The following AGBL1 variants were observed in gnomAD, a reference collection of about 807,000 sequenced individuals.
The protein encoded by AGBL1 is cytosolic carboxypeptidase 4.
AGBL1 carries 130 observed loss-of-function variants against 118.9 expected under a neutral mutation model. The observed-to-expected ratio is 1.09, with a 90% confidence interval of 0.95 to 1.26. The LOEUF is 1.26. Ranked by LOEUF, AGBL1 falls within the 50% of genes most tolerant of loss-of-function variation. AGBL1 has a pLI of 0.00. For missense variants in AGBL1, 1,584 were observed against 1,298.1 expected, an observed-to-expected ratio of 1.22 and a Z score of -3.38; for synonymous variants, 555 against 478.9, an observed-to-expected ratio of 1.16 and a Z score of -2.08.
chr15:86,983,762 C>G (rs2081254039), intron 23 of AGBL1, among the ~76,000 whole-genome samples: 1 of 152,144 alleles, frequency 6.6e-6, no homozygotes, highest in Non-Finnish European at 1.5e-5. Context: ...CTTCAGTGTT[C>G]TAGAATTTTA....
chr15:86,304,389 A>T (rs1831084500), intron 17 of AGBL1, among the ~76,000 whole-genome samples: 1 of 152,184 alleles, frequency 6.6e-6, no homozygotes, highest in South Asian at 2.1e-4. Flanking sequence ...ACGTCAAGGA[A>T]GTCTTCCCGG....
At chr15:86,214,684 T>C (rs962281415) in intron 5 of AGBL1, among the ~76,000 whole-genome samples, 1 of 152,226 alleles carries the variant, frequency 6.6e-6, no homozygotes, top group African/African-American at 2.4e-5. Context: ...CCAAAAGCTT[T>C]TGTCTGAGCC....
intron 17 of AGBL1, among the ~76,000 whole-genome samples, chr15:86,356,670 G>T (rs1055030900): frequency 6.6e-6 from 1 of 152,158 alleles, no homozygotes; most frequent in Non-Finnish European, 1.5e-5. Flanking sequence ...CTGGAAGGAA[G>T]TAAGAAGCAG....
At chr15:86,692,980 T>A (rs1202032844) in intron 22 of AGBL1, among the ~76,000 whole-genome samples, 1 of 152,204 alleles carries the variant, frequency 6.6e-6, no homozygotes. Context: ...TCCATATAGA[T>A]ATATCACAAT....
intron 22 of AGBL1, among the ~76,000 whole-genome samples, chr15:86,716,608 T>C (rs1413866153): frequency 3.3e-5 from 5 of 152,194 alleles, no homozygotes; most frequent in African/African-American, 1.2e-4. Flanking sequence ...AGCTCACGGC[T>C]ATCTCCAGCC....
chr15:86,094,906 G>A (rs1896257454), intron 1 of AGBL1, among the ~76,000 whole-genome samples: 1 of 152,098 alleles, frequency 6.6e-6, no homozygotes, highest in Non-Finnish European at 1.5e-5. Flanking sequence ...CAAGTTAAGG[G>A]CTTAATCCCA....
intron 5 of AGBL1, among the ~76,000 whole-genome samples, chr15:86,198,199 C>T (rs997349636): frequency 4.6e-5 from 7 of 152,166 alleles, no homozygotes; most frequent in Non-Finnish European, 8.8e-5. Flanking sequence ...TCTGATTTCT[C>T]ACTTTTGGAA....
intron 5 of AGBL1, among the ~76,000 whole-genome samples, chr15:86,168,999 A>G (rs1348207304): frequency 6.6e-6 from 1 of 152,232 alleles, no homozygotes; most frequent in East Asian, 1.9e-4. Flanking sequence ...ATATAAACCA[A>G]TGTTGATGGA....
intron 22 of AGBL1, among the ~76,000 whole-genome samples, chr15:86,776,849 CT>C (rs1002525671): frequency 2.7e-5 from 4 of 150,056 alleles, no homozygotes; most frequent in African/African-American, 9.8e-5. Context: ...AAAAAATCAA[CT>C]TTTAGACACG....
intron 22 of AGBL1, among the ~76,000 whole-genome samples, chr15:86,876,239 A>G (rs1198229955): frequency 6.6e-6 from 1 of 152,120 alleles, no homozygotes. Flanking sequence ...AGTCTCAAAC[A>G]CAAGGGAAGG....
chr15:86,177,256 C>T (rs184729933), intron 5 of AGBL1, among the ~76,000 whole-genome samples: 1 of 152,180 alleles, frequency 6.6e-6, no homozygotes, highest in Admixed American at 6.5e-5. Context: ...AAACAAAAGT[C>T]CTAAATGTTT....
intron 21 of AGBL1, among the ~76,000 whole-genome samples, chr15:86,597,284 A>T (rs2084425468): frequency 6.6e-6 from 1 of 152,180 alleles, no homozygotes; most frequent in African/African-American, 2.4e-5. Flanking sequence ...TAGTGTTAAA[A>T]GCTTTGGAAA....
intron 24 of AGBL1, among the ~76,000 whole-genome samples, chr15:86,992,873 T>G (rs1297928542): frequency 6.6e-6 from 1 of 152,178 alleles, no homozygotes; most frequent in Non-Finnish European, 1.5e-5. Flanking sequence ...CATTGTTATC[T>G]AGTCATAGTT....
chr15:86,255,064 T>C (rs1157867133), intron 7 of AGBL1, among the ~76,000 whole-genome samples: 1 of 152,186 alleles, frequency 6.6e-6, no homozygotes, highest in African/African-American at 2.4e-5. Context: ...AAAGACATGA[T>C]TATCTTTTAT....
chr15:86,718,825 A>G (rs2086675049), intron 22 of AGBL1, among the ~76,000 whole-genome samples: 3 of 152,230 alleles, frequency 2.0e-5, no homozygotes, highest in African/African-American at 7.2e-5. Context: ...CAAATGAAGT[A>G]AGTCTTTTTG....
intron 17 of AGBL1, among the ~76,000 whole-genome samples, chr15:86,356,639 C>A (rs1596008963): frequency 1.3e-5 from 2 of 152,100 alleles, no homozygotes; most frequent in East Asian, 3.9e-4. Context: ...TCTTCTGAGT[C>A]TTTTTACCCT....
At chr15:86,556,759 A>AT (rs2083740522) in intron 21 of AGBL1, among the ~76,000 whole-genome samples, 1 of 152,168 alleles carries the variant, frequency 6.6e-6, no homozygotes, top group Non-Finnish European at 1.5e-5. Context: ...TCATCTTTCC[A>AT]TTTTTTGTTT....
intron 22 of AGBL1, among the ~76,000 whole-genome samples, chr15:86,724,598 T>C (rs2086791183): frequency 6.6e-6 from 1 of 152,162 alleles, no homozygotes; most frequent in Admixed American, 6.5e-5. Flanking sequence ...GGGAGGATAT[T>C]TGCTCCATTT....
At chr15:86,110,747 T>A (rs1472398796) in intron 1 of AGBL1, among the ~76,000 whole-genome samples, 1 of 152,224 alleles carries the variant, frequency 6.6e-6, no homozygotes, top group Admixed American at 6.5e-5. Flanking sequence ...AGGGGATGTG[T>A]AATGTTCCTG....
Sources: gnomAD v4.1 joint callset for allele counts (sites outside exome capture counted in the v4.1 genomes callset) on GRCh38, gnomAD v4.1.1 for gene constraint, MANE v1.5 for transcripts, NCBI Gene and HGNC (gene_info 2026-07-23, HGNC 2026-07-21) for gene names.